The following SGCE variants were observed in gnomAD, a reference collection of about 807,000 sequenced individuals.
SGCE encodes the protein sarcoglycan epsilon, also known as epsilon-sarcoglycan.
A neutral mutation model predicts 57.8 loss-of-function variants in SGCE; 26 were observed. The ratio of observed to expected loss-of-function variants is 0.45; its 90% CI spans 0.33 to 0.62. The LOEUF (loss-of-function observed/expected upper bound fraction) is 0.62. SGCE is among the 20% of genes least tolerant of loss of function. The pLI, the probability that SGCE is intolerant of heterozygous loss-of-function variation, is 0.02. For missense variants in SGCE, 468 were observed against 548.6 expected, an observed-to-expected ratio of 0.85 and a Z score of 1.47; for synonymous variants, 183 against 189.5, an observed-to-expected ratio of 0.97 and a Z score of 0.28.
At position 94,588,711 on chromosome 7, in the gene SGCE, C is replaced by G. The variant is rs762720842; in HGVS notation, c.1275G>C (p.Gln425His). Residue 425 changes from glutamine to histidine, a missense_variant, in exon 10 of 11, where the codon CAG (glutamine) becomes CAC (histidine). Coordinates refer to ENST00000648936, the MANE Select transcript of SGCE (RefSeq NM_003919.3). ...QTQQNLPHQT[Q>H]IPQQQTTGKW... is the part of the protein sequence containing the mutation. ...CACCTGTAGTCTGCTGTTGGGGAAT[C>G]TGAGTCTGATGTGGCAAGTTCCTAG... The G allele has an allele frequency of 3.3e-5, 53 of 1,610,376 alleles. No individual in the cohort carries two copies. The highest frequency in any genetic ancestry group is 4.2e-5 in the Non-Finnish European group (50 of 1,176,850).
chr7:94,598,371 A>T (rs1798716763), intron 9 of SGCE: 1 of 192,232 alleles, frequency 5.2e-6, no homozygotes, highest in South Asian at 9.4e-5. Context: ...AAAAATTTAG[A>T]TTACAAAGGT....
chr7:94,600,512 T>C (rs1799038677), intron 7 of SGCE, 134 bp downstream of exon 7: 1 of 674,798 alleles, frequency 1.5e-6, no homozygotes, highest in Admixed American at 2.5e-5. Flanking sequence ...GAATAAAGTA[T>C]TGCAGTTTGG....
In SGCE at chr7:94,585,304, T is replaced by C; in HGVS notation, c.*195A>G. ...AAAGTCATCAATGTTTTACAAATTG[T>C]CAAAAATGCTTTAAGTACAAAAAAA... On this transcript the variant is annotated 3_prime_UTR_variant, in exon 11 of 11. Transcript: ENST00000648936. 2.0e-6 allele frequency: 1 copy of C among 501,486 alleles called. No homozygotes were observed. The highest frequency in any genetic ancestry group is 3.6e-6 in the Non-Finnish European group (1 of 280,104). 31.1% of individuals were successfully genotyped at this position (501,486 alleles called of 1,614,324 possible).
chr7:94,651,657 A>T (rs1023700896), intron 1 of SGCE, among the ~76,000 whole-genome samples: 1 of 152,214 alleles, frequency 6.6e-6, no homozygotes, highest in Middle Eastern at 3.2e-3. Context: ...CAGAACAAAG[A>T]CTAGAAGGGA....
chr7:94,645,678 C>G (rs772716409), intron 1 of SGCE, among the ~76,000 whole-genome samples: 13 of 152,116 alleles, frequency 8.5e-5, no homozygotes, highest in Non-Finnish European at 1.0e-4. Flanking sequence ...GCAAGCTACT[C>G]AATGTTTCTG....
At chr7:94,601,473 A>AAAC (rs1799253467) in intron 6 of SGCE, among the ~76,000 whole-genome samples, 1 of 134,996 alleles carries the variant, frequency 7.4e-6, no homozygotes, top group African/African-American at 2.6e-5. Flanking sequence ...AAAAAAAAAA[A>AAAC]AAACTACAAC....
intron 1 of SGCE, among the ~76,000 whole-genome samples, chr7:94,648,826 T>G (rs1384583592): frequency 1.3e-5 from 2 of 152,254 alleles, no homozygotes; most frequent in South Asian, 4.1e-4. Flanking sequence ...GCAACTATAC[T>G]TCCATGCATA....
At chr7:94,650,636 T>A (rs1807751817) in intron 1 of SGCE, among the ~76,000 whole-genome samples, 1 of 152,176 alleles carries the variant, frequency 6.6e-6, no homozygotes, top group East Asian at 1.9e-4. Context: ...ATCTTTCAGG[T>A]CTACACTAAA....
chr7:94,623,927 G>A, intron 3 of SGCE: 2 of 367,844 alleles, frequency 5.4e-6, no homozygotes, highest in East Asian at 3.9e-5. Flanking sequence ...AAGTAGTAAG[G>A]ATCATAGTCC....
At position 94,604,851 on chromosome 7, in the gene SGCE, A is replaced by ATATT. The variant is rs1423142934; in HGVS notation, c.663-1400_663-1399insAATA. 4.9e-5 allele frequency among the ~76,000 whole-genome samples: 5 copies of ATATT among 102,488 alleles called. No individual in the cohort carries two copies. The East Asian group carries it at 1.6e-3, about 32-fold the overall frequency. The allele number at this position is 102,488 out of a possible 152,430, so 67.2% of individuals were successfully genotyped here. On this transcript the variant is annotated intron_variant, in intron 5 of 10. Transcript: ENST00000648936. ...TATATATATATATATATATATATAT[A>ATATT]TATATATAATAGTTGTTATAACTAA...
At chr7:94,655,954 G>T in intron 1 of SGCE, 36 bp downstream of exon 1, 1 of 1,379,838 alleles carries the variant, frequency 7.2e-7, no homozygotes, top group Non-Finnish European at 1.0e-6. Flanking sequence ...CGGCCTGTTG[G>T]CCCCGGGACC....
chr7:94,644,214 C>T (rs916795959), intron 1 of SGCE, among the ~76,000 whole-genome samples: 1 of 152,222 alleles, frequency 6.6e-6, no homozygotes, highest in East Asian at 1.9e-4. Context: ...TTTCAATGTT[C>T]CCCCTTCTAA....
At chr7:94,629,565 A>C in intron 2 of SGCE, 154 bp downstream of exon 2, 1 of 715,338 alleles carries the variant, frequency 1.4e-6, no homozygotes, top group Non-Finnish European at 2.4e-6. Flanking sequence ...TTAAATTTCT[A>C]ATCTGTAAAT....
In SGCE at chr7:94,623,391, C is replaced by T. The variant is rs1301031214; in HGVS notation, c.397G>A (p.Ala133Thr). 3.8e-6 allele frequency: 6 copies of T among 1,595,960 alleles called. No individual in the cohort carries two copies. The highest frequency in any genetic ancestry group is 4.3e-6 in the Non-Finnish European group (5 of 1,164,986). ...VGKPTIIEIT[A>T]YNRRTFETAR... ...GTCTCAAAGGTGCGCCTGTTGTAGG[C>T]AGTTATCTATTATAAAAGGAAAACC... is the stretch of plus-strand genomic sequence containing the variant. Residue 133 changes from alanine (A) to threonine (T), a missense_variant, in exon 4 of 11, where the codon GCC (alanine) becomes ACC (threonine). Coordinates refer to ENST00000648936, the MANE Select transcript of SGCE (RefSeq NM_003919.3).
In SGCE at chr7:94,588,749, T is replaced by C. The variant is rs764114732; in HGVS notation, c.1254-17A>G. ...GGCAAGTTCCTAGAAATGATGAACA[T>C]TTTTGAGTAAAACTGTTTGTTTACA... On this transcript the variant is annotated splice_polypyrimidine_tract_variant and intron_variant, in intron 9 of 10. Transcript: ENST00000648936. 7.4e-6 allele frequency: 12 copies of C among 1,613,278 alleles called. No homozygotes were observed. In the South Asian group the frequency reaches 1.1e-4, roughly 15 times the overall value.
intron 1 of SGCE, among the ~76,000 whole-genome samples, chr7:94,654,040 C>T (rs1401612587): frequency 6.6e-6 from 1 of 151,888 alleles, no homozygotes; most frequent in Non-Finnish European, 1.5e-5. Context: ...TGTATAGCTA[C>T]CTATATATGC....
At chr7:94,618,977 C>T (rs1562844233) in intron 4 of SGCE, 21 bp from the exon 5 acceptor site, 4 of 1,511,112 alleles carry the variant, frequency 2.6e-6, no homozygotes, top group Non-Finnish European at 2.8e-6. Context: ...TGAAAAAGGG[C>T]ATGCATATCT....
intron 5 of SGCE, among the ~76,000 whole-genome samples, chr7:94,611,220 T>G (rs1045112985): frequency 5.9e-5 from 9 of 152,210 alleles, no homozygotes; most frequent in Non-Finnish European, 2.9e-5. Context: ...ACATCATTCA[T>G]GGTCAACAAG....
chr7:94,630,784 T>G (rs1433818936), intron 1 of SGCE, among the ~76,000 whole-genome samples: 1 of 151,952 alleles, frequency 6.6e-6, no homozygotes, highest in Non-Finnish European at 1.5e-5. Flanking sequence ...AGGCCAGTTC[T>G]TTCTTTTAAG....
Sources: gnomAD v4.1 joint callset for allele counts (sites outside exome capture counted in the v4.1 genomes callset) on GRCh38, gnomAD v4.1.1 for gene constraint, MANE v1.5 for transcripts, NCBI Gene and HGNC (gene_info 2026-07-23, HGNC 2026-07-21) for gene names.